ADGRB2: variants seen among roughly 807,000 people sequenced by gnomAD.
The protein encoded by ADGRB2 is adhesion G protein-coupled receptor B2.
A neutral mutation model predicts 178.7 loss-of-function variants in ADGRB2; 47 were observed. The ratio of observed to expected loss-of-function variants is 0.26; its 90% CI spans 0.21 to 0.34. ADGRB2 has a LOEUF of 0.34. Among genes scored for constraint, ADGRB2 ranks in the 10% least tolerant of loss-of-function variants. The probability of loss-of-function intolerance (pLI) is 1.00; values close to 1 mark genes in which losing one functional copy is unlikely to be tolerated. For missense variants in ADGRB2, 1,584 were observed against 2,180.8 expected, an observed-to-expected ratio of 0.73 and a Z score of 5.45; for synonymous variants, 870 against 912.4, an observed-to-expected ratio of 0.95 and a Z score of 0.84.
Position 31,736,189 on chromosome 1 carries a change from G to A in ADGRB2, c.3200+132C>T. ...GCACATTCCCTCAGTCAGGGAAACT[G>A]AAGCTCAGAAATGGGGAGGAACTTG... On this transcript the variant is annotated intron_variant, in intron 22 of 32. Coordinates refer to ENST00000373658, the MANE Select transcript of ADGRB2 (RefSeq NM_001364857.2). The A allele has an allele frequency of 6.2e-6, 7 of 1,135,860 alleles. No individual in the cohort carries two copies. In the South Asian group the frequency reaches 1.0e-4, roughly 16 times the overall value. 70.4% of individuals were successfully genotyped at this position (1,135,860 alleles called of 1,614,324 possible).
At chr1:31,736,785 G>A (rs1232072422) in intron 20 of ADGRB2, 62 bp from the exon 21 acceptor site, 2 of 1,557,902 alleles carry the variant, frequency 1.3e-6, no homozygotes, top group Non-Finnish European at 1.7e-6. Flanking sequence ...GAGGCGCCGG[G>A]CTTCCCACGC....
At chr1:31,737,868 C>T (rs1645709312) in intron 18 of ADGRB2, 113 bp from the exon 19 acceptor site, 4 of 982,858 alleles carry the variant, frequency 4.1e-6, no homozygotes, top group Non-Finnish European at 6.2e-6. Flanking sequence ...AGGGCAACAC[C>T]TTCTTGCTGT....
chr1:31,739,634 C>A lies in ADGRB2; in HGVS notation c.2169G>T (p.Val723=). The A allele has an allele frequency of 6.3e-7, 1 of 1,581,072 alleles. No individual in the cohort carries two copies. The highest frequency in any genetic ancestry group is 1.2e-5 in the South Asian group (1 of 85,504). ...QSSLIVTDNL[V]ISIQREPVSA... ...AGACGGGCTCTCGCTGAATGCTGAT[C>A]ACTGCAGTGGGAGGAGGGTGGACAG... The change falls in exon 15 of 33, where the codon GTG becomes GTT. Residue 723 remains valine, a splice_region_variant and synonymous_variant. Transcript: ENST00000373658.
Position 31,735,629 on chromosome 1 carries a change from G to A in ADGRB2, c.3304C>T (p.Leu1102Phe). ...TCGGAGATGCCATCACGTGCCATGA[G>A]CTTGTTGAAGACGATGATTCCGATG... ...MLIGIIVFNKLMARDGISDKS... is the reference protein window; with the variant it reads ...MLIGIIVFNKFMARDGISDKS... Residue 1102 changes from leucine (L) to phenylalanine (F), a missense_variant, in exon 24 of 33, where the codon CTC becomes TTC. By Grantham distance (22) the Leu-to-Phe change is conservative (BLOSUM62 0). This residue lies in a region of ADGRB2 where 865 missense variants were observed against 1,192.8 expected (regional missense o/e 0.73). Coordinates refer to ENST00000373658, the MANE Select transcript of ADGRB2 (RefSeq NM_001364857.2). This position sits in a 1 kb window ranked among gnomAD's most constrained non-coding sequence, Gnocchi z 6.0. The A allele has an allele frequency of 1.9e-6, 3 of 1,611,084 alleles. No homozygotes were observed. Among genetic ancestry groups the A allele is most frequent in the East Asian group, 2.2e-5 (1 of 44,790 alleles).
intron 20 of ADGRB2, among the ~76,000 whole-genome samples, chr1:31,737,192 G>A (rs765884535): frequency 1.1e-4 from 16 of 152,170 alleles, no homozygotes; most frequent in Middle Eastern, 3.4e-3. Context: ...CACACCCAGC[G>A]CTCAGCTCAC....
chr1:31,738,736 C>T (rs1459532243), intron 16 of ADGRB2, 96 bp downstream of exon 16: 8 of 1,593,668 alleles, frequency 5.0e-6, no homozygotes, highest in Non-Finnish European at 6.9e-6. Context: ...GTCCAGGGTT[C>T]AGCCCACCAT....
At position 31,727,782 on chromosome 1, in the gene ADGRB2, T is replaced by C. The variant is rs1645060219; in HGVS notation, c.4573-177A>G. 2 of 856,760 alleles carry C rather than the reference T, an allele frequency of 2.3e-6. No individual in the cohort carries two copies. Among genetic ancestry groups the C allele is most frequent in the South Asian group, 1.9e-5 (1 of 52,754 alleles). The allele number at this position is 856,760 out of a possible 1,614,324, so 53.1% of individuals were successfully genotyped here. ...GTTCCAGGGTGGGGCTCCTGACCCC[T>C]GTTCTCAGTGGCCCCCAGGACATGT... On this transcript the variant is annotated intron_variant, in intron 32 of 32. Coordinates refer to ENST00000373658, the MANE Select transcript of ADGRB2 (RefSeq NM_001364857.2). This position sits in a 1 kb window ranked among gnomAD's most constrained non-coding sequence, Gnocchi z 4.4.
At position 31,735,703 on chromosome 1, in the gene ADGRB2, C is replaced by T. The variant is rs760223836; in HGVS notation, c.3268-38G>A. The stretch of plus-strand genomic sequence containing the variant: ...TAGAGTGGAGTGGGGGAGACAGGAT[C>T]ACCAGGTGCCCTCCTGGCAGGGAAA... On this transcript the variant is annotated intron_variant, in intron 23 of 32. Coordinates refer to ENST00000373658, the MANE Select transcript of ADGRB2 (RefSeq NM_001364857.2). This position sits in a 1 kb window ranked among gnomAD's most constrained non-coding sequence, Gnocchi z 6.0. 8 of 1,574,620 alleles carry T rather than the reference C, an allele frequency of 5.1e-6. No homozygotes were observed. In the African/African-American group the frequency reaches 1.1e-4, roughly 21 times the overall value.
At chr1:31,729,854 T>C (rs1645187250) in intron 29 of ADGRB2, among the ~76,000 whole-genome samples, 1 of 152,276 alleles carries the variant, frequency 6.6e-6, no homozygotes, top group South Asian at 2.1e-4. Flanking sequence ...ATTTTGTCTT[T>C]GTTACGCCTT....
intron 4 of ADGRB2, among the ~76,000 whole-genome samples, chr1:31,745,651 G>GA: frequency 6.6e-6 from 1 of 152,348 alleles, no homozygotes; most frequent in African/African-American, 2.4e-5. Context: ...GGTGGGACTG[G>GA]AAGAGCCTTT....
In ADGRB2 at chr1:31,741,668, G is replaced by A. The variant is rs761501950; in HGVS notation, c.1643C>T (p.Ala548Val). ...CTTGTTGTAGATGATCTCGCCAGCA[G>A]CTGCCTTCTTCCACGTCATCAGCAT... ...YVMLMTWKKA[A>V]AGEIIYNKCP... The change falls in exon 10 of 33, where the codon GCT becomes GTT. Residue 548 changes from alanine (A) to valine (V), a missense_variant. Around this residue, in one of 3 missense-constraint regions of ADGRB2, gnomAD observed 657 missense variants for 847.6 expected, o/e 0.78. Transcript: ENST00000373658. The surrounding 1 kb of genome is among the most constrained non-coding windows in gnomAD (Gnocchi z 6.5). The A allele has an allele frequency of 2.2e-5, 35 of 1,613,980 alleles. No homozygotes were observed. Among genetic ancestry groups the A allele is most frequent in the Admixed American group, 5.0e-5 (3 of 59,996 alleles).
intron 4 of ADGRB2, among the ~76,000 whole-genome samples, chr1:31,750,879 GCCCC>G (rs35281943): frequency 6.6e-6 from 1 of 151,240 alleles, no homozygotes; most frequent in Non-Finnish European, 1.5e-5. Context: ...ATGCCAGACC[GCCCC>G]CCCCAATAAT....
rs1186827538 is a variant in ADGRB2, at chr1:31,735,031, G to C, written c.3452+152C>G. The C allele has an allele frequency of 1.3e-6, 1 of 752,178 alleles. No homozygotes were observed. Among genetic ancestry groups the C allele is most frequent in the Non-Finnish European group, 1.9e-6 (1 of 517,192 alleles). The allele number at this position is 752,178 out of a possible 1,614,324, so 46.6% of individuals were successfully genotyped here. A position where few individuals can be genotyped will look rare whatever the true frequency, so the allele number is the denominator to read the frequency against. On this transcript the variant is annotated intron_variant, in intron 25 of 32. Coordinates refer to ENST00000373658, the MANE Select transcript of ADGRB2 (RefSeq NM_001364857.2). The surrounding 1 kb of genome is among the most constrained non-coding windows in gnomAD (Gnocchi z 6.0). Reference sequence around the variant, plus strand: ...CTCATCGCCTTGGCCACCTCTTGCCGAGCCCTTGAGAGTGTGTGGTGGCTG... The same window carrying C: ...CTCATCGCCTTGGCCACCTCTTGCCCAGCCCTTGAGAGTGTGTGGTGGCTG...
chr1:31,742,747 GC>G (rs1451499677), intron 7 of ADGRB2, 90 bp downstream of exon 7: 1 of 1,341,380 alleles, frequency 7.5e-7, no homozygotes, highest in Non-Finnish European at 9.7e-7. Context: ...GCCCCCAGGG[GC>G]AGGTCACTGG....
At position 31,727,302 on chromosome 1, in the gene ADGRB2, C is replaced by T. The variant is rs1291800561; in HGVS notation, c.*118G>A. On this transcript the variant is annotated 3_prime_UTR_variant, in exon 33 of 33. Transcript: ENST00000373658. The surrounding 1 kb of genome is among the most constrained non-coding windows in gnomAD (Gnocchi z 4.4). ...CCCAGCCTGGCTGAGTCCACGGCGCCTCCCTGCCCAGCCCTCGGGAGAGGG... is the reference window on the plus strand; with the variant it reads ...CCCAGCCTGGCTGAGTCCACGGCGCTTCCCTGCCCAGCCCTCGGGAGAGGG... 9.9e-6 allele frequency: 13 copies of T among 1,310,342 alleles called. No individual in the cohort carries two copies. The highest frequency in any genetic ancestry group is 1.3e-5 in the Non-Finnish European group (13 of 994,682). 81.2% of individuals were successfully genotyped at this position (1,310,342 alleles called of 1,614,324 possible).
Position 31,754,395 on chromosome 1 carries a change from C to T in ADGRB2, c.838+1604G>A, listed in dbSNP as rs192476047. On this transcript the variant is annotated intron_variant, in intron 4 of 32. Transcript: ENST00000373658. The surrounding 1 kb of genome is among the most constrained non-coding windows in gnomAD (Gnocchi z 5.7). ...AAAAGAACCCGCCTGCAGCTGAGCACGATGGGGGAGACCCCCACAGAGTGA... is the reference window on the plus strand; with the variant it reads ...AAAAGAACCCGCCTGCAGCTGAGCATGATGGGGGAGACCCCCACAGAGTGA... Among the ~76,000 whole-genome samples the T allele has an allele frequency of 9.1e-4, 139 of 152,376 alleles. 1 individual carries two copies. The highest frequency in any genetic ancestry group is 3.1e-3 in the African/African-American group (130 of 41,596).
chr1:31,747,662 T>G (rs1646345920), intron 4 of ADGRB2, among the ~76,000 whole-genome samples: 1 of 152,176 alleles, frequency 6.6e-6, no homozygotes, highest in South Asian at 2.1e-4. Flanking sequence ...ATAAGCCCGT[T>G]GAGGGAAGGC....
Position 31,744,478 on chromosome 1 carries a change from C to A in ADGRB2, c.923-121G>T. On this transcript the variant is annotated intron_variant, in intron 5 of 32. Coordinates refer to ENST00000373658, the MANE Select transcript of ADGRB2 (RefSeq NM_001364857.2). This position sits in a 1 kb window ranked among gnomAD's most constrained non-coding sequence, Gnocchi z 6.7. The stretch of plus-strand genomic sequence containing the variant: ...CAGAGGGCTCCTCCTACCCTGACCC[C>A]AAGTAACAGGCTCTTCAGGAGGCCA... 1 of 1,458,514 alleles carries A rather than the reference C, an allele frequency of 6.9e-7. No individual in the cohort carries two copies. The highest frequency in any genetic ancestry group is 2.1e-5 in the Admixed American group (1 of 47,028). 90.3% of individuals were successfully genotyped at this position (1,458,514 alleles called of 1,614,324 possible).
intron 19 of ADGRB2, 31 bp from the exon 20 acceptor site, chr1:31,737,562 CGCT>C (rs1263708846): frequency 3.7e-6 from 6 of 1,611,660 alleles, no homozygotes; most frequent in Non-Finnish European, 5.1e-6. Flanking sequence ...GGGACAGAGG[CGCT>C]GGCTGCCCCA....
Sources: gnomAD v4.1 joint callset for allele counts (sites outside exome capture counted in the v4.1 genomes callset) on GRCh38, gnomAD v4.1.1 for gene constraint, gnomAD v4.1.1 regional missense constraint, Gnocchi (gnomAD v3.1) non-coding constraint, MANE v1.5 for transcripts, NCBI Gene and HGNC (gene_info 2026-07-23, HGNC 2026-07-21) for gene names.